The following KHDRBS2 variants were observed in gnomAD, a reference collection of about 807,000 sequenced individuals.
KHDRBS2 encodes the protein KH domain-containing, RNA-binding, signal transduction-associated protein 2.
A neutral mutation model predicts 44.3 loss-of-function variants in KHDRBS2; 26 were observed. That is an observed-to-expected ratio of 0.59 (90% CI 0.43 to 0.81). The LOEUF (loss-of-function observed/expected upper bound fraction) is 0.81, where lower values mean the gene tolerates loss of function less well. Among genes scored for constraint, KHDRBS2 ranks in the 40% least tolerant of loss-of-function variants. The pLI, the probability that KHDRBS2 is intolerant of heterozygous loss-of-function variation, is 0.00. For synonymous variants in KHDRBS2, 194 were observed against 151.1 expected (o/e 1.28, Z -2.08); for missense variants, 476 against 433.1 (o/e 1.10, Z -0.88).
chr6:62,282,634 T>C (rs576682261), intron 1 of KHDRBS2, among the ~76,000 whole-genome samples: 1 of 152,198 alleles, frequency 6.6e-6, no homozygotes, highest in Admixed American at 6.5e-5. Context: ...TCAATAGACT[T>C]AAGAACATAA....
At chr6:62,093,280 T>C (rs897033892) in intron 2 of KHDRBS2, among the ~76,000 whole-genome samples, 11 of 151,864 alleles carry the variant, frequency 7.2e-5, no homozygotes, top group African/African-American at 2.7e-4. Flanking sequence ...CAGATGGCTT[T>C]ACTAAATCCA....
chr6:62,075,206 A>G (rs1396694754), intron 2 of KHDRBS2, among the ~76,000 whole-genome samples: 1 of 151,860 alleles, frequency 6.6e-6, no homozygotes, highest in Non-Finnish European at 1.5e-5. Context: ...GGCCTTTGGG[A>G]GGTGATCAGG....
chr6:61,654,746 A>G, the KHDRBS2 span, among the ~76,000 whole-genome samples: 2 of 151,418 alleles, frequency 1.3e-5, no homozygotes, highest in African/African-American at 4.8e-5. Context: ...AGCTGGAGGG[A>G]CACAGGACAG....
At chr6:62,030,872 T>C (rs1392764053) in intron 3 of KHDRBS2, among the ~76,000 whole-genome samples, 1 of 151,964 alleles carries the variant, frequency 6.6e-6, no homozygotes, top group Non-Finnish European at 1.5e-5. Context: ...ATAGCCCAAA[T>C]TGGAAACAAC....
chr6:62,069,071 G>A (rs1302967380), intron 2 of KHDRBS2, among the ~76,000 whole-genome samples: 1 of 151,546 alleles, frequency 6.6e-6, no homozygotes, highest in African/African-American at 2.4e-5. Flanking sequence ...TGTCATCTTA[G>A]CAATAGAGTT....
intron 6 of KHDRBS2, among the ~76,000 whole-genome samples, chr6:61,838,560 C>T (rs1793084942): frequency 6.6e-6 from 1 of 151,870 alleles, no homozygotes; most frequent in Non-Finnish European, 1.5e-5. Flanking sequence ...ACTTATTTTG[C>T]CTTCTTCAAC....
At chr6:62,107,661 G>C (rs754001095) in intron 2 of KHDRBS2, among the ~76,000 whole-genome samples, 2 of 152,108 alleles carry the variant, frequency 1.3e-5, no homozygotes, top group Non-Finnish European at 2.9e-5. Flanking sequence ...AAAGAACAAA[G>C]CTGGAGGCAT....
chr6:62,058,278 G>A (rs867022172), intron 2 of KHDRBS2, among the ~76,000 whole-genome samples: 3 of 151,866 alleles, frequency 2.0e-5, no homozygotes, highest in Non-Finnish European at 4.4e-5. Flanking sequence ...CTCCTGCAGA[G>A]AGAATTCTTC....
At chr6:61,610,124 C>CTCT in the KHDRBS2 span, among the ~76,000 whole-genome samples, 1 of 151,794 alleles carries the variant, frequency 6.6e-6, no homozygotes. Context: ...TGCAGTGAGC[C>CTCT]AAGATCACGC....
intron 3 of KHDRBS2, among the ~76,000 whole-genome samples, chr6:61,991,160 G>T (rs190533649): frequency 7.6e-4 from 116 of 152,180 alleles, no homozygotes; most frequent in African/African-American, 2.7e-3. Context: ...AGACCACCTG[G>T]AATTAAGTCC....
intron 1 of KHDRBS2, among the ~76,000 whole-genome samples, chr6:62,221,119 C>A (rs1830822590): frequency 6.6e-6 from 1 of 150,846 alleles, no homozygotes. Context: ...AAATATTACC[C>A]AGCCATACCA....
chr6:62,002,205 C>T (rs1340560864), intron 3 of KHDRBS2, among the ~76,000 whole-genome samples: 7 of 151,678 alleles, frequency 4.6e-5, no homozygotes, highest in Admixed American at 3.9e-4. Flanking sequence ...AAAAATTCCA[C>T]CAAAGGTGTT....
chr6:61,804,841 C>T (rs573542065), intron 6 of KHDRBS2, among the ~76,000 whole-genome samples: 18 of 152,286 alleles, frequency 1.2e-4, no homozygotes, highest in South Asian at 4.1e-4. Context: ...CCATTTGTTT[C>T]GTCTTAGGCC....
intron 6 of KHDRBS2, among the ~76,000 whole-genome samples, chr6:61,862,295 T>A (rs1797101603): frequency 6.6e-6 from 1 of 152,146 alleles, no homozygotes; most frequent in Non-Finnish European, 1.5e-5. Context: ...CTCTTCCTAT[T>A]TGTATACCCT....
chr6:61,909,750 A>G (rs996025361), intron 4 of KHDRBS2, among the ~76,000 whole-genome samples: 1 of 152,216 alleles, frequency 6.6e-6, no homozygotes, highest in Non-Finnish European at 1.5e-5. Flanking sequence ...TCCATCTGTT[A>G]TGATGGCATT....
chr6:62,080,050 G>A (rs1056299441), intron 2 of KHDRBS2, among the ~76,000 whole-genome samples: 3 of 151,836 alleles, frequency 2.0e-5, no homozygotes, highest in African/African-American at 7.2e-5. Flanking sequence ...TAAATAAAAT[G>A]CAAATTTAAA....
At chr6:61,604,282 T>C in the KHDRBS2 span, among the ~76,000 whole-genome samples, 1 of 94,144 alleles carries the variant, frequency 1.1e-5, no homozygotes, top group Non-Finnish European at 2.4e-5. Flanking sequence ...ACTGCAAGGG[T>C]CATCAAAAGG....
chr6:61,784,390 A>G (rs1181071081), intron 6 of KHDRBS2, among the ~76,000 whole-genome samples: 1 of 150,674 alleles, frequency 6.6e-6, no homozygotes, highest in Non-Finnish European at 1.5e-5. Flanking sequence ...GATGATTTCA[A>G]TTATTTTGAA....
chr6:61,552,465 T>A, the KHDRBS2 span, among the ~76,000 whole-genome samples: 1 of 152,140 alleles, frequency 6.6e-6, no homozygotes, highest in African/African-American at 2.4e-5. Flanking sequence ...AAAACAGGGA[T>A]AGTTTGACTT....
Sources: gnomAD v4.1 joint callset for allele counts (sites outside exome capture counted in the v4.1 genomes callset) on GRCh38, gnomAD v4.1.1 for gene constraint, MANE v1.5 for transcripts, NCBI Gene and HGNC (gene_info 2026-07-23, HGNC 2026-07-21) for gene names.